ESRRG: variants seen among roughly 807,000 people sequenced by gnomAD.
The protein encoded by ESRRG is estrogen related receptor gamma.
A neutral mutation model predicts 44.0 loss-of-function variants in ESRRG; 13 were observed. That is an observed-to-expected ratio of 0.30 (90% confidence interval 0.19 to 0.47). ESRRG has a LOEUF of 0.47. Ranked by LOEUF, ESRRG falls within the 20% of genes least tolerant of loss-of-function variation. ESRRG has a pLI of 1.00. For synonymous variants in ESRRG, 215 were observed against 214.6 expected (o/e 1.00, Z -0.02); for missense variants, 395 against 580.6 (o/e 0.68, Z 3.29).
At chr1:216,935,165 A>G (rs1335621965) in intron 2 of ESRRG, among the ~76,000 whole-genome samples, 1 of 152,146 alleles carries the variant, frequency 6.6e-6, no homozygotes, top group African/African-American at 2.4e-5. Flanking sequence ...TCAGTTCTCC[A>G]GTGGTCACCA....
intron 3 of ESRRG, among the ~76,000 whole-genome samples, chr1:216,639,326 T>C (rs1023412678): frequency 4.6e-5 from 7 of 152,092 alleles, no homozygotes; most frequent in African/African-American, 7.2e-5. Flanking sequence ...GAAAGTTGTA[T>C]TTGCTCCAAA....
At chr1:216,943,128 C>A (rs2065517638) in intron 1 of ESRRG, among the ~76,000 whole-genome samples, 2 of 152,118 alleles carry the variant, frequency 1.3e-5, no homozygotes, top group Admixed American at 1.3e-4. Context: ...CCAGGGTGTA[C>A]TTTTCACATG....
At chr1:216,831,013 G>C (rs1041283514) in intron 2 of ESRRG, among the ~76,000 whole-genome samples, 1 of 151,988 alleles carries the variant, frequency 6.6e-6, no homozygotes, top group Non-Finnish European at 1.5e-5. Flanking sequence ...GGAAGGAAAG[G>C]GGCAAGGTGG....
intron 2 of ESRRG, among the ~76,000 whole-genome samples, chr1:216,804,288 G>A (rs1169521116): frequency 1.3e-5 from 2 of 152,118 alleles, no homozygotes; most frequent in African/African-American, 4.8e-5. Context: ...GCTTACCAGT[G>A]ACTGACGCTC....
intron 2 of ESRRG, among the ~76,000 whole-genome samples, chr1:216,765,995 A>T (rs11572638): frequency 6.6e-6 from 1 of 152,110 alleles, no homozygotes; most frequent in African/African-American, 2.4e-5. Flanking sequence ...ACAGAAACTC[A>T]AAATATCTCA....
chr1:216,764,860 G>A (rs2092994460), intron 2 of ESRRG, among the ~76,000 whole-genome samples: 1 of 151,856 alleles, frequency 6.6e-6, no homozygotes, highest in Non-Finnish European at 1.5e-5. Context: ...GGAACCCAGG[G>A]TGAAGAGCAG....
At chr1:216,651,383 T>C (rs2068910486) in intron 2 of ESRRG, among the ~76,000 whole-genome samples, 1 of 152,174 alleles carries the variant, frequency 6.6e-6, no homozygotes, top group South Asian at 2.1e-4. Flanking sequence ...TCCAGAGTCT[T>C]ATGATCCAAA....
At chr1:216,856,306 T>G (rs1388558927) in intron 2 of ESRRG, among the ~76,000 whole-genome samples, 2 of 151,796 alleles carry the variant, frequency 1.3e-5, no homozygotes, top group African/African-American at 2.4e-5. Flanking sequence ...CCCATATAGA[T>G]ATTACCAGTT....
chr1:216,806,726 G>A (rs955521080), intron 2 of ESRRG, among the ~76,000 whole-genome samples: 2 of 152,138 alleles, frequency 1.3e-5, no homozygotes, highest in East Asian at 3.9e-4. Flanking sequence ...TGAGCTTGAG[G>A]AAACAAATCC....
chr1:216,559,158 C>T (rs2058210676), intron 5 of ESRRG, among the ~76,000 whole-genome samples: 1 of 152,112 alleles, frequency 6.6e-6, no homozygotes, highest in South Asian at 2.1e-4. Context: ...GCGTGATCCA[C>T]CGCACCCATT....
In ESRRG at chr1:216,592,565, A is replaced by G. The variant is rs189361366; in HGVS notation, c.590-24467T>C. 8.1e-4 allele frequency among the ~76,000 whole-genome samples: 122 copies of G among 151,340 alleles called. 1 individual carries two copies. The highest frequency in any genetic ancestry group is 2.7e-3 in the African/African-American group (111 of 41,146). On this transcript the variant is annotated intron_variant, in intron 3 of 6. Transcript: ENST00000408911. ...ACCAAGGCTGGTGTGCAGTGGTACGATCTTGGCTCACTGCAACCTCCACCT... is the reference window on the plus strand; with the variant it reads ...ACCAAGGCTGGTGTGCAGTGGTACGGTCTTGGCTCACTGCAACCTCCACCT...
intron 2 of ESRRG, among the ~76,000 whole-genome samples, chr1:216,770,376 T>C (rs2093331670): frequency 6.6e-6 from 1 of 152,150 alleles, no homozygotes; most frequent in Non-Finnish European, 1.5e-5. Context: ...TTCTTCTGCA[T>C]TAATTAGCAT....
intron 3 of ESRRG, among the ~76,000 whole-genome samples, chr1:216,587,331 G>A (rs1573602854): frequency 6.6e-6 from 1 of 152,212 alleles, no homozygotes; most frequent in African/African-American, 2.4e-5. Context: ...AGAAGGAATA[G>A]CAATTTTATA....
At chr1:216,549,311 CAAAA>C (rs2055538229) in intron 5 of ESRRG, among the ~76,000 whole-genome samples, 1 of 151,534 alleles carries the variant, frequency 6.6e-6, no homozygotes, top group Admixed American at 6.6e-5. Context: ...TATCAGAACT[CAAAA>C]GAAAGAGAAA....
chr1:216,803,961 C>G (rs567657771), intron 2 of ESRRG, among the ~76,000 whole-genome samples: 1 of 151,764 alleles, frequency 6.6e-6, no homozygotes, highest in Non-Finnish European at 1.5e-5. Flanking sequence ...GGTTCTAACA[C>G]AGGTTAATCT....
chr1:216,829,312 C>A (rs2095447456), intron 2 of ESRRG, among the ~76,000 whole-genome samples: 1 of 152,146 alleles, frequency 6.6e-6, no homozygotes, highest in African/African-American at 2.4e-5. Flanking sequence ...TGTTAACCCC[C>A]ATCACCATCA....
At chr1:216,769,948 G>C (rs1467530223) in intron 2 of ESRRG, among the ~76,000 whole-genome samples, 1 of 152,046 alleles carries the variant, frequency 6.6e-6, no homozygotes, top group Non-Finnish European at 1.5e-5. Flanking sequence ...AAATTATAAA[G>C]AGGAATATTA....
At chr1:216,884,930 A>ATG (rs750916032) in intron 2 of ESRRG, among the ~76,000 whole-genome samples, 9 of 152,118 alleles carry the variant, frequency 5.9e-5, no homozygotes, top group Non-Finnish European at 1.2e-4. Context: ...TTTGTTTTGC[A>ATG]TGTGTGTGTG....
At chr1:216,714,136 T>C (rs2151997492) in intron 1 of ESRRG, among the ~76,000 whole-genome samples, 1 of 152,182 alleles carries the variant, frequency 6.6e-6, no homozygotes, top group Non-Finnish European at 1.5e-5. Flanking sequence ...TATCCCAAAC[T>C]GACAACAATC....
Sources: gnomAD v4.1 joint callset for allele counts (sites outside exome capture counted in the v4.1 genomes callset) on GRCh38, gnomAD v4.1.1 for gene constraint, MANE v1.5 for transcripts, NCBI Gene and HGNC (gene_info 2026-07-23, HGNC 2026-07-21) for gene names.